KY: variants seen among roughly 807,000 people sequenced by gnomAD.
KY encodes the protein kyphoscoliosis peptidase.
In KY, 43 loss-of-function variants were observed where a neutral mutation model predicts 76.1. The ratio of observed to expected loss-of-function variants is 0.57; its 90% CI spans 0.44 to 0.73. The LOEUF is 0.73. Ranked by LOEUF, KY falls within the 30% of genes least tolerant of loss-of-function variation. KY has a pLI of 0.00. For missense variants in KY, 722 were observed against 828.9 expected (o/e 0.87, Z 1.58); for synonymous variants, 277 against 326.2 (o/e 0.85, Z 1.63).
chr3:134,618,059 G>A (rs2107817267), intron 8 of KY, among the ~76,000 whole-genome samples: 1 of 152,286 alleles, frequency 6.6e-6, no homozygotes, highest in East Asian at 1.9e-4. Flanking sequence ...ACCCACCGTG[G>A]CTGCGTCTGG....
At chr3:134,643,226 G>T in intron 3 of KY, 90 bp downstream of exon 3, 1 of 1,272,088 alleles carries the variant, frequency 7.9e-7, no homozygotes, top group South Asian at 1.3e-5. Flanking sequence ...CCCATAGTCT[G>T]AGCTCCACAT....
At chr3:134,625,658 A>G (rs949109177) in intron 5 of KY, among the ~76,000 whole-genome samples, 2 of 152,226 alleles carry the variant, frequency 1.3e-5, no homozygotes, top group Non-Finnish European at 2.9e-5. Flanking sequence ...AGGCCGGGCC[A>G]TCTGGGTCCT....
In KY at chr3:134,603,664, C is replaced by A. The variant is rs1012857901; in HGVS notation, c.1901G>T (p.Cys634Phe). 1.6e-5 allele frequency: 26 copies of A among 1,613,572 alleles called. No individual in the cohort carries two copies. Among genetic ancestry groups the A allele is most frequent in the African/African-American group, 2.7e-5 (2 of 74,948 alleles). ...YWEGSCSTAG[C>F]QEVYVMVLEN... Reference sequence around the variant, plus strand: ...CAGCACCATGACATAGACTTCCTGGCAGCCAGCTGTGCTGCAGCTTCCCTC... The same window carrying A: ...CAGCACCATGACATAGACTTCCTGGAAGCCAGCTGTGCTGCAGCTTCCCTC... The change falls in exon 11 of 11, where the codon TGC becomes TTC. Residue 634 changes from cysteine (C) to phenylalanine (F), a missense_variant. Around this residue, in one of 2 missense-constraint regions of KY, gnomAD observed 552 missense variants for 680.9 expected, o/e 0.81. Coordinates refer to ENST00000423778, the MANE Select transcript of KY (RefSeq NM_178554.6).
chr3:134,606,966 C>A, intron 10 of KY: 1 of 985,254 alleles, frequency 1.0e-6, no homozygotes, highest in African/African-American at 1.7e-5. Context: ...CTTAACAGAA[C>A]TAGCTACCAC....
At chr3:134,609,475 C>G (rs543655209) in intron 9 of KY, among the ~76,000 whole-genome samples, 2 of 152,262 alleles carry the variant, frequency 1.3e-5, no homozygotes, top group Non-Finnish European at 2.9e-5. Context: ...GTATTTGTCC[C>G]ATGTGTGGGA....
intron 6 of KY, among the ~76,000 whole-genome samples, chr3:134,623,362 G>A (rs1962954301): frequency 6.6e-6 from 1 of 152,106 alleles, no homozygotes; most frequent in Non-Finnish European, 1.5e-5. Flanking sequence ...GTAATGGCCT[G>A]GCCTCCACTT....
chr3:134,630,342 A>T (rs1208192358), intron 3 of KY, among the ~76,000 whole-genome samples: 2 of 152,272 alleles, frequency 1.3e-5, no homozygotes, highest in East Asian at 3.8e-4. Context: ...TGGAGCAAGC[A>T]TAACTATTTT....
chr3:134,640,771 G>C (rs1560139375), intron 3 of KY, among the ~76,000 whole-genome samples: 1 of 152,098 alleles, frequency 6.6e-6, no homozygotes, highest in Non-Finnish European at 1.5e-5. Context: ...CATTGCTCAG[G>C]TCCCAAGCCT....
At chr3:134,649,499 T>C (rs529587598) in intron 1 of KY, among the ~76,000 whole-genome samples, 1 of 152,312 alleles carries the variant, frequency 6.6e-6, no homozygotes, top group South Asian at 2.1e-4. Context: ...CAGAGCAGTC[T>C]CATTTCTATC....
At chr3:134,629,763 G>T in intron 3 of KY, 68 bp from the exon 4 acceptor site, 1 of 897,830 alleles carries the variant, frequency 1.1e-6, no homozygotes, top group South Asian at 1.4e-5. Context: ...CCTCATGACT[G>T]ATGATTGAAT....
At chr3:134,649,167 C>T (rs183597223) in intron 1 of KY, among the ~76,000 whole-genome samples, 13 of 152,238 alleles carry the variant, frequency 8.5e-5, no homozygotes, top group Admixed American at 4.6e-4. Flanking sequence ...CGGTGAGAAA[C>T]GGCCATCAGA....
chr3:134,604,722 A>G (rs1166574631), intron 10 of KY, among the ~76,000 whole-genome samples: 1 of 152,146 alleles, frequency 6.6e-6, no homozygotes, highest in Admixed American at 6.5e-5. Flanking sequence ...TTTCTTTGAG[A>G]GAAATGAAAG....
intron 3 of KY, among the ~76,000 whole-genome samples, chr3:134,632,087 C>T (rs1362270567): frequency 2.6e-5 from 4 of 151,858 alleles, no homozygotes; most frequent in African/African-American, 7.2e-5. Flanking sequence ...AATAGGCATA[C>T]GTCAAACAAC....
chr3:134,610,506 T>C, intron 8 of KY, 123 bp from the exon 9 acceptor site: 1 of 821,732 alleles, frequency 1.2e-6, no homozygotes, highest in Non-Finnish European at 1.9e-6. Context: ...TCCTTTTCCT[T>C]GCTTCTTGTA....
chr3:134,611,272 T>C (rs1560105689), intron 8 of KY, among the ~76,000 whole-genome samples: 2 of 152,192 alleles, frequency 1.3e-5, no homozygotes. Flanking sequence ...AAGATGGGCA[T>C]GGGTCACCTC....
Position 134,600,324 on chromosome 3 carries a change from A to C in KY, c.*3255T>G, listed in dbSNP as rs751350472. On this transcript the variant is annotated 3_prime_UTR_variant, in exon 11 of 11. Coordinates refer to ENST00000423778, the MANE Select transcript of KY (RefSeq NM_178554.6). ...AAGTCCTTTGAGAAGAGGATTTCAC[A>C]AACTTTCTTGGCAACTTGTCCCTCC... 6.6e-6 allele frequency among the ~76,000 whole-genome samples: 1 copy of C among 152,242 alleles called. No homozygotes were observed. Among genetic ancestry groups the C allele is most frequent in the Admixed American group, 6.5e-5 (1 of 15,286 alleles).
At chr3:134,644,117 G>A (rs1006290964) in intron 2 of KY, among the ~76,000 whole-genome samples, 3 of 152,154 alleles carry the variant, frequency 2.0e-5, no homozygotes, top group South Asian at 2.1e-4. Flanking sequence ...GAGCCACCGC[G>A]CCCGGCCGAG....
At chr3:134,644,280 C>G (rs1966163439) in intron 2 of KY, among the ~76,000 whole-genome samples, 1 of 152,220 alleles carries the variant, frequency 6.6e-6, no homozygotes, top group Admixed American at 6.5e-5. Context: ...TATTTCTGTC[C>G]CTGGGACACA....
intron 8 of KY, among the ~76,000 whole-genome samples, chr3:134,611,172 C>T (rs1483979846): frequency 6.6e-6 from 1 of 152,236 alleles, no homozygotes; most frequent in African/African-American, 2.4e-5. Flanking sequence ...AAATGCCGAC[C>T]AGTCAACCTG....
Sources: gnomAD v4.1 joint callset for allele counts (sites outside exome capture counted in the v4.1 genomes callset) on GRCh38, gnomAD v4.1.1 for gene constraint, gnomAD v4.1.1 regional missense constraint, MANE v1.5 for transcripts, NCBI Gene and HGNC (gene_info 2026-07-23, HGNC 2026-07-21) for gene names.